Variants in AMPH observed in about 807,000 individuals in gnomAD.
The protein encoded by AMPH is amphiphysin (Stiff-Mann syndrome with breast cancer 128kD autoantigen).
Under a neutral mutation model 99.1 loss-of-function variants are expected in AMPH, and 49 were observed. That is an observed-to-expected ratio of 0.49 (90% CI 0.39 to 0.63). The LOEUF (loss-of-function observed/expected upper bound fraction) is 0.63, where lower values mean the gene tolerates loss of function less well. AMPH is among the 20% of genes least tolerant of loss of function. The pLI is 0.00. For synonymous variants in AMPH, 314 were observed against 317.3 expected (o/e 0.99, Z 0.11); for missense variants, 759 against 863.4 (o/e 0.88, Z 1.52).
intron 1 of AMPH, among the ~76,000 whole-genome samples, chr7:38,584,745 C>T (rs1290917580): frequency 6.6e-6 from 1 of 152,206 alleles, no homozygotes; most frequent in South Asian, 2.1e-4. Flanking sequence ...TTTCCCTCTG[C>T]ACTCTCCGGG....
intron 20 of AMPH, among the ~76,000 whole-genome samples, 176 bp from the exon 21 acceptor site, chr7:38,385,101 TA>T (rs34834299): frequency 1.8e-3 from 259 of 143,722 alleles, no homozygotes; most frequent in African/African-American, 4.5e-3. Context: ...AGTTGTTAGT[TA>T]AAAAAAAAAA....
intron 3 of AMPH, among the ~76,000 whole-genome samples, chr7:38,501,437 A>C (rs1471824997): frequency 6.6e-6 from 1 of 152,130 alleles, no homozygotes; most frequent in African/African-American, 2.4e-5. Flanking sequence ...CACTCGCCTC[A>C]GCCTCCCAAA....
At chr7:38,475,241 T>G in intron 7 of AMPH, 90 bp downstream of exon 7, 1 of 841,740 alleles carries the variant, frequency 1.2e-6, no homozygotes, top group South Asian at 1.6e-5. Context: ...TGTTGAAATG[T>G]CACAGTAATA....
At chr7:38,391,700 G>A in intron 19 of AMPH, 48 bp downstream of exon 19, 1 of 1,571,370 alleles carries the variant, frequency 6.4e-7, no homozygotes, top group Non-Finnish European at 8.6e-7. Flanking sequence ...TGAGCAAAAG[G>A]GCCTTAAAGC....
At chr7:38,565,414 T>A (rs1791702512) in intron 1 of AMPH, among the ~76,000 whole-genome samples, 1 of 152,316 alleles carries the variant, frequency 6.6e-6, no homozygotes, top group Middle Eastern at 3.4e-3. Flanking sequence ...TGCCATCAAC[T>A]GTTTCCTCAG....
At chr7:38,405,202 G>A (rs1784949589) in intron 17 of AMPH, among the ~76,000 whole-genome samples, 1 of 152,278 alleles carries the variant, frequency 6.6e-6, no homozygotes, top group African/African-American at 2.4e-5. Context: ...TACAAGAAAT[G>A]CTGAAAGGAG....
chr7:38,521,465 G>A (rs1209838279), intron 2 of AMPH, among the ~76,000 whole-genome samples: 1 of 152,142 alleles, frequency 6.6e-6, no homozygotes, highest in Non-Finnish European at 1.5e-5. Context: ...AGGTTGCAGT[G>A]AACAGAGATA....
chr7:38,426,326 A>G (rs1785781673), intron 15 of AMPH, among the ~76,000 whole-genome samples: 1 of 152,128 alleles, frequency 6.6e-6, no homozygotes, highest in African/African-American at 2.4e-5. Context: ...GTTGGGACAT[A>G]CACATACACT....
chr7:38,594,630 A>G (rs918398649), intron 1 of AMPH, among the ~76,000 whole-genome samples: 23 of 152,160 alleles, frequency 1.5e-4, no homozygotes, highest in Non-Finnish European at 3.1e-4. Context: ...TTTGCTTTCA[A>G]GAGGGAAAGC....
intron 1 of AMPH, among the ~76,000 whole-genome samples, chr7:38,587,037 A>G (rs987891643): frequency 7.3e-6 from 1 of 136,696 alleles, no homozygotes; most frequent in African/African-American, 2.7e-5. Context: ...ACACACACAC[A>G]CATAAAATCC....
chr7:38,528,541 T>C (rs1259309138), intron 2 of AMPH, among the ~76,000 whole-genome samples: 1 of 152,210 alleles, frequency 6.6e-6, no homozygotes, highest in Non-Finnish European at 1.5e-5. Context: ...TATTCCCTTA[T>C]TATCCTTTAG....
intron 11 of AMPH, among the ~76,000 whole-genome samples, chr7:38,440,975 TATCTAATTG>T (rs1786483437): frequency 6.6e-6 from 1 of 152,052 alleles, no homozygotes; most frequent in South Asian, 2.1e-4. Context: ...AGGCAGAGAT[TATCTAATTG>T]TACAAAAAAG....
chr7:38,492,481 C>A (rs574481607), intron 4 of AMPH, among the ~76,000 whole-genome samples: 1 of 152,266 alleles, frequency 6.6e-6, no homozygotes, highest in African/African-American at 2.4e-5. Flanking sequence ...TGTTAAAACA[C>A]ACACACACAC....
intron 14 of AMPH, chr7:38,428,635 G>GGCT (rs1785876523): frequency 4.4e-6 from 2 of 456,412 alleles, no homozygotes; most frequent in Admixed American, 2.4e-5. Context: ...CATCCCTCAG[G>GGCT]GCTGCCATCT....
At chr7:38,432,322 C>T (rs1584083000) in intron 12 of AMPH, 110 bp from the exon 13 acceptor site, 9 of 971,042 alleles carry the variant, frequency 9.3e-6, no homozygotes, top group South Asian at 7.2e-5. Flanking sequence ...GCATTTTGTA[C>T]AGTACTGTTC....
At chr7:38,404,557 C>T (rs1026666142) in intron 17 of AMPH, among the ~76,000 whole-genome samples, 2 of 152,098 alleles carry the variant, frequency 1.3e-5, no homozygotes, top group Non-Finnish European at 2.9e-5. Flanking sequence ...CTCCTGAAAG[C>T]ACCTAGAAAC....
intron 1 of AMPH, among the ~76,000 whole-genome samples, chr7:38,622,283 G>A (rs936244504): frequency 6.6e-6 from 1 of 151,964 alleles, no homozygotes; most frequent in African/African-American, 2.4e-5. Context: ...ACAGTAAGGT[G>A]GAAATTTCCA....
At chr7:38,589,637 T>A (rs1792782615) in intron 1 of AMPH, among the ~76,000 whole-genome samples, 2 of 152,102 alleles carry the variant, frequency 1.3e-5, no homozygotes, top group South Asian at 4.1e-4. Flanking sequence ...CTGCCCAACC[T>A]GAAGATGAGG....
chr7:38,440,554 C>T lies in AMPH; in HGVS notation c.1018-4166G>A, dbSNP rs187110415. ...AATCTTTTAAAAAGATAATTGGCTG[C>T]TTATACAAAAATAATAACAAAATAA... On this transcript the variant is annotated intron_variant, in intron 11 of 20. Coordinates refer to ENST00000356264, the MANE Select transcript of AMPH (RefSeq NM_001635.4). 4.0e-5 allele frequency among the ~76,000 whole-genome samples: 6 copies of T among 151,860 alleles called. No homozygotes were observed. The East Asian group carries it at 1.2e-3, about 29-fold the overall frequency.
Sources: allele counts gnomAD v4.1 joint callset (sites outside exome capture counted in the v4.1 genomes callset), GRCh38; gene constraint gnomAD v4.1.1; transcripts MANE v1.5; gene names NCBI Gene and HGNC (gene_info 2026-07-23, HGNC 2026-07-21).